The following ARID2 variants were observed in gnomAD, a reference collection of about 807,000 sequenced individuals.
The protein encoded by ARID2 is AT-rich interactive domain-containing protein 2.
In ARID2, 32 loss-of-function variants were observed where a neutral mutation model predicts 184.6. The observed-to-expected ratio is 0.17, with a 90% CI of 0.13 to 0.23. ARID2 has a LOEUF of 0.23. ARID2 is among the 10% of genes least tolerant of loss of function. The pLI is 1.00. For synonymous variants in ARID2, 836 were observed against 772.6 expected (o/e 1.08, Z -1.36); for missense variants, 1,696 against 2,197.6 (o/e 0.77, Z 4.56).
rs924712128 is a variant in ARID2, at chr12:45,776,840, C to T, written c.285-34578C>T. Among the ~76,000 whole-genome samples, 5 of 146,260 alleles carry T rather than the reference C, an allele frequency of 3.4e-5. No homozygotes were observed. In the East Asian group the frequency reaches 8.0e-4, roughly 23 times the overall value. On this transcript the variant is annotated intron_variant, in intron 3 of 20. Coordinates refer to ENST00000334344, the MANE Select transcript of ARID2 (RefSeq NM_152641.4). The stretch of plus-strand genomic sequence containing the variant: ...CGGGGTCGTCCAGGCTAGAGTACAG[C>T]GCCGTGATCTCGGCTCACTGCAACC...
At chr12:45,786,741 A>G (rs1000507016) in intron 3 of ARID2, among the ~76,000 whole-genome samples, 1 of 152,238 alleles carries the variant, frequency 6.6e-6, no homozygotes, top group African/African-American at 2.4e-5. Flanking sequence ...TTAACAACCC[A>G]AGTGTCCATT....
intron 6 of ARID2, among the ~76,000 whole-genome samples, chr12:45,822,369 T>C (rs1942914384): frequency 6.6e-6 from 1 of 152,158 alleles, no homozygotes; most frequent in Non-Finnish European, 1.5e-5. Flanking sequence ...TACTTCATTA[T>C]ACAAAAATAT....
intron 6 of ARID2, 48 bp from the exon 7 acceptor site, chr12:45,836,541 A>G (rs2138124763): frequency 6.5e-7 from 1 of 1,531,246 alleles, no homozygotes; most frequent in Non-Finnish European, 8.9e-7. Flanking sequence ...CTAAAGCAAT[A>G]GAATAGTTGT....
intron 3 of ARID2, among the ~76,000 whole-genome samples, chr12:45,799,724 A>G (rs1942459859): frequency 6.6e-6 from 1 of 152,264 alleles, no homozygotes; most frequent in Non-Finnish European, 1.5e-5. Context: ...AAGGTAATCA[A>G]TATAACAAAA....
chr12:45,896,827 G>A lies in ARID2; in HGVS notation c.5363+3106G>A, dbSNP rs116274806. Among the ~76,000 whole-genome samples the A allele has an allele frequency of 7.0e-3, 1,073 of 152,258 alleles. 10 individuals carry two copies. The highest frequency in any genetic ancestry group is 0.024 in the African/African-American group (1,014 of 41,556). ...AGAAGAGAAAGGGCCAAATGATCCA[G>A]TTCTAAATTTGGGGATGTTTTTCTT... On this transcript the variant is annotated intron_variant, in intron 20 of 20. Coordinates refer to ENST00000334344, the MANE Select transcript of ARID2 (RefSeq NM_152641.4).
Position 45,905,185 on chromosome 12 carries a change from T to C in ARID2, c.*107T>C, listed in dbSNP as rs942856570. On this transcript the variant is annotated 3_prime_UTR_variant, in exon 21 of 21. Coordinates refer to ENST00000334344, the MANE Select transcript of ARID2 (RefSeq NM_152641.4). ...ATGGAACAAAGACCATAGAATGAAT[T>C]ATTTTATCTCCTCCCATGATGCTGA... is the stretch of plus-strand genomic sequence containing the variant. 16 of 1,123,282 alleles carry C rather than the reference T, an allele frequency of 1.4e-5. No individual in the cohort carries two copies. The highest frequency in any genetic ancestry group is 1.9e-5 in the Non-Finnish European group (16 of 820,564). 69.6% of individuals were successfully genotyped at this position (1,123,282 alleles called of 1,614,324 possible). A position where few individuals can be genotyped will look rare whatever the true frequency, so the allele number is the denominator to read the frequency against.
Position 45,830,195 on chromosome 12 carries a change from T to G in ARID2, c.706-6394T>G, listed in dbSNP as rs148677511. ...CTTATTCCATGGTGGAATATTCCCT[T>G]CTGTTTTATAATATTGGTTACAAAT... On this transcript the variant is annotated intron_variant, in intron 6 of 20. Transcript: ENST00000334344. Among the ~76,000 whole-genome samples the G allele has an allele frequency of 4.1e-3, 622 of 152,070 alleles. 5 individuals are homozygous for G. Among genetic ancestry groups the G allele is most frequent in the African/African-American group, 0.013 (544 of 41,512 alleles).
intron 3 of ARID2, among the ~76,000 whole-genome samples, chr12:45,761,434 C>G (rs373972185): frequency 6.6e-6 from 1 of 152,056 alleles, no homozygotes; most frequent in African/African-American, 2.4e-5. Flanking sequence ...GAGGCATTGT[C>G]TGCCTATAAT....
intron 16 of ARID2, among the ~76,000 whole-genome samples, chr12:45,869,009 G>A (rs1943874177): frequency 7.2e-6 from 1 of 138,482 alleles, no homozygotes; most frequent in African/African-American, 2.9e-5. Flanking sequence ...TTGGGATTTG[G>A]GTTGCAATTG....
At chr12:45,854,619 G>GT (rs1188001302) in intron 15 of ARID2, among the ~76,000 whole-genome samples, 2 of 152,034 alleles carry the variant, frequency 1.3e-5, no homozygotes, top group Non-Finnish European at 2.9e-5. Context: ...TTATGTGCCT[G>GT]TTACTCCTCT....
At chr12:45,754,268 C>T (rs1337778828) in intron 3 of ARID2, among the ~76,000 whole-genome samples, 4 of 152,180 alleles carry the variant, frequency 2.6e-5, no homozygotes, top group African/African-American at 9.7e-5. Context: ...CTCTCTATTG[C>T]TAAAGAAGAA....
intron 3 of ARID2, among the ~76,000 whole-genome samples, chr12:45,738,779 C>CTTTTTA: frequency 1.6e-5 from 1 of 62,298 alleles, no homozygotes; most frequent in South Asian, 8.0e-4. Flanking sequence ...ATATGGGCTA[C>CTTTTTA]TTTTTTTTTT....
intron 6 of ARID2, among the ~76,000 whole-genome samples, chr12:45,828,363 G>A (rs1481477723): frequency 6.6e-6 from 1 of 152,030 alleles, no homozygotes; most frequent in African/African-American, 2.4e-5. Context: ...TTGTTCTACT[G>A]TAAAAAGCAA....
rs2138128022 is a variant in ARID2, at chr12:45,836,913, C to T, written c.945C>T (p.Phe315=). The T allele has an allele frequency of 1.9e-6, 3 of 1,614,088 alleles. No homozygotes were observed. The highest frequency in any genetic ancestry group is 2.5e-6 in the Non-Finnish European group (3 of 1,179,986). ...LLAANRTCLR[F]LLLSAHSHFI... ...CAGCTAATCGTACCTGTCTTCGTTT[C>T]CTATTACTTTCTGCACATAGTCATT... is the stretch of plus-strand genomic sequence containing the variant. The change falls in exon 8 of 21, where the codon TTC becomes TTT. Residue 315 remains phenylalanine (F), a synonymous_variant. Transcript: ENST00000334344.
chr12:45,899,773 A>C, intron 20 of ARID2, among the ~76,000 whole-genome samples: 4 of 131,550 alleles, frequency 3.0e-5, no homozygotes, highest in Non-Finnish European at 6.8e-5. Flanking sequence ...ATAGTTCCCT[A>C]CTTTACCCCC....
chr12:45,907,302 A>G lies in ARID2; in HGVS notation c.*2224A>G, dbSNP rs1251427946. ...AAAGTAAATTTGTGCAACAACGTTT[A>G]TTTGAAAGATAATGTCTTCTCAAAA... is the stretch of plus-strand genomic sequence containing the variant. On this transcript the variant is annotated 3_prime_UTR_variant, in exon 21 of 21. Transcript: ENST00000334344. 8.6e-6 allele frequency: 2 copies of G among 232,954 alleles called. No individual in the cohort carries two copies. The highest frequency in any genetic ancestry group is 1.7e-5 in the Non-Finnish European group (2 of 117,900). 14.4% of individuals were successfully genotyped at this position (232,954 alleles called of 1,614,324 possible). A position where few individuals can be genotyped will look rare whatever the true frequency, so the allele number is the denominator to read the frequency against.
At chr12:45,890,716 A>G (rs1944288582) in intron 16 of ARID2, among the ~76,000 whole-genome samples, 1 of 152,134 alleles carries the variant, frequency 6.6e-6, no homozygotes, top group African/African-American at 2.4e-5. Flanking sequence ...TACTTTTTTG[A>G]TTAAATTTTA....
Position 45,852,257 on chromosome 12 carries a change from T to C in ARID2, c.4134T>C (p.Asn1378=). 1 of 1,614,080 alleles carries C rather than the reference T, an allele frequency of 6.2e-7. No individual in the cohort carries two copies. Among genetic ancestry groups the C allele is most frequent in the South Asian group, 1.1e-5 (1 of 91,086 alleles). ...CTCATTTAAGCAAAAACATTCCAAATCATAAAACTTCCAATCATGTAGGAA... is the reference window on the plus strand; with the variant it reads ...CTCATTTAAGCAAAAACATTCCAAACCATAAAACTTCCAATCATGTAGGAA... ...DGSHLSKNIP[N]HKTSNHVGNG... is the part of the protein sequence containing the mutation. Residue 1378 remains asparagine, a synonymous_variant, in exon 15 of 21, where the codon AAT becomes AAC. Transcript: ENST00000334344.
chr12:45,861,261 T>C (rs1290530950), intron 16 of ARID2, among the ~76,000 whole-genome samples: 1 of 152,188 alleles, frequency 6.6e-6, no homozygotes, highest in Non-Finnish European at 1.5e-5. Flanking sequence ...TTGTTGTTTT[T>C]GTCGTTTTTA....
Sources: gnomAD v4.1 joint callset for allele counts (sites outside exome capture counted in the v4.1 genomes callset) on GRCh38, gnomAD v4.1.1 for gene constraint, MANE v1.5 for transcripts, NCBI Gene and HGNC (gene_info 2026-07-23, HGNC 2026-07-21) for gene names.